Variants in STIM1 observed in about 807,000 individuals in gnomAD.
STIM1 encodes the protein stromal interaction molecule 1.
In STIM1, 25 loss-of-function variants were observed where a neutral mutation model predicts 74.7. That is an observed-to-expected ratio of 0.33 (90% CI 0.24 to 0.47). STIM1 has a LOEUF of 0.47. Ranked by LOEUF, STIM1 falls within the 20% of genes least tolerant of loss-of-function variation. The probability of loss-of-function intolerance (pLI) is 1.00; values close to 1 mark genes in which losing one functional copy is unlikely to be tolerated. For missense variants in STIM1, 728 were observed against 920.8 expected (o/e 0.79, Z 2.71); for synonymous variants, 328 against 348.8 (o/e 0.94, Z 0.66).
intron 1 of STIM1, among the ~76,000 whole-genome samples, chr11:3,926,385 A>G (rs1046047470): frequency 9.2e-5 from 14 of 152,238 alleles, no homozygotes; most frequent in African/African-American, 3.1e-4. Flanking sequence ...TTGGTAAAGC[A>G]TAATTCTTAT....
At chr11:3,929,279 ATT>A (rs1182535886) in intron 1 of STIM1, among the ~76,000 whole-genome samples, 1 of 152,072 alleles carries the variant, frequency 6.6e-6, no homozygotes, top group East Asian at 1.9e-4. Context: ...TCTGCTCTAG[ATT>A]TGTGTGTTAA....
chr11:3,896,354 G>C (rs1430731590), intron 1 of STIM1, among the ~76,000 whole-genome samples: 1 of 152,158 alleles, frequency 6.6e-6, no homozygotes, highest in Non-Finnish European at 1.5e-5. Context: ...CTATTTTAAT[G>C]TTAGGGAAGC....
chr11:3,901,433 G>A (rs1283862011), intron 1 of STIM1, among the ~76,000 whole-genome samples: 1 of 152,172 alleles, frequency 6.6e-6, no homozygotes, highest in African/African-American at 2.4e-5. Context: ...TGAACACAGT[G>A]TGGTCCCCTG....
At chr11:4,046,391 C>T (rs2094193949) in intron 3 of STIM1, among the ~76,000 whole-genome samples, 1 of 152,112 alleles carries the variant, frequency 6.6e-6, no homozygotes. Flanking sequence ...TCCTAGGATG[C>T]ATTCCTGGAC....
intron 1 of STIM1, among the ~76,000 whole-genome samples, chr11:3,879,650 A>G (rs1013848158): frequency 6.6e-6 from 1 of 152,254 alleles, no homozygotes; most frequent in Non-Finnish European, 1.5e-5. Flanking sequence ...CAAAGAAAGC[A>G]GGTGACTTCC....
chr11:4,076,146 C>T (rs560593905), intron 7 of STIM1, among the ~76,000 whole-genome samples: 29 of 151,732 alleles, frequency 1.9e-4, no homozygotes, highest in Middle Eastern at 3.2e-3. Flanking sequence ...TTTTGATAAA[C>T]AGAAGCCCTT....
Position 4,081,355 on chromosome 11 carries a change from C to A in STIM1, c.970-829C>A, listed in dbSNP as rs574412899. ...CATTGTGTGCTCCCTGCAGAGAAGT[C>A]GGTTATTTCTACTTATACATTGGTC... On this transcript the variant is annotated intron_variant, in intron 7 of 12. Transcript: ENST00000526596. Among the ~76,000 whole-genome samples, 12 of 152,312 alleles carry A rather than the reference C, an allele frequency of 7.9e-5. No individual in the cohort carries two copies. In the South Asian group the frequency reaches 1.7e-3, roughly 21 times the overall value.
intron 1 of STIM1, among the ~76,000 whole-genome samples, chr11:3,882,926 T>C (rs1441897306): frequency 6.6e-6 from 1 of 152,238 alleles, no homozygotes; most frequent in Non-Finnish European, 1.5e-5. Flanking sequence ...TCTAATGATA[T>C]TGATCATCTT....
intron 1 of STIM1, among the ~76,000 whole-genome samples, chr11:3,927,152 C>T (rs1271891753): frequency 6.6e-6 from 1 of 152,156 alleles, no homozygotes; most frequent in Non-Finnish European, 1.5e-5. Context: ...TTGGTCAGTT[C>T]ACAGTTCACT....
At chr11:4,018,470 A>G (rs866342147) in intron 2 of STIM1, among the ~76,000 whole-genome samples, 1 of 143,744 alleles carries the variant, frequency 7.0e-6, no homozygotes, top group African/African-American at 2.7e-5. Context: ...AAAAAAAAAA[A>G]AAAAAAAAAA....
At chr11:4,035,722 A>C (rs1342524531) in intron 3 of STIM1, among the ~76,000 whole-genome samples, 1 of 152,080 alleles carries the variant, frequency 6.6e-6, no homozygotes, top group African/African-American at 2.4e-5. Context: ...CCTTTAAAAA[A>C]TTTTAAGATT....
chr11:4,033,681 C>T lies in STIM1; in HGVS notation c.385+9694C>T, dbSNP rs565372851. Among the ~76,000 whole-genome samples the T allele has an allele frequency of 5.3e-5, 8 of 151,792 alleles. No homozygotes were observed. In the East Asian group the frequency reaches 5.9e-4, roughly 11 times the overall value. On this transcript the variant is annotated intron_variant, in intron 3 of 12. Transcript: ENST00000526596. The stretch of plus-strand genomic sequence containing the variant: ...CATGATCTTGGCTCACTGCAAGCTC[C>T]GCCTCCTGGGTTCACACCATTCTCC...
At chr11:4,018,428 C>G (rs572306008) in intron 2 of STIM1, among the ~76,000 whole-genome samples, 1 of 111,360 alleles carries the variant, frequency 9.0e-6, no homozygotes, top group Non-Finnish European at 1.7e-5. Context: ...GTCCGCAGTC[C>G]GGCCTGGGCG....
intron 1 of STIM1, among the ~76,000 whole-genome samples, chr11:3,906,239 G>A (rs2092463772): frequency 6.6e-6 from 1 of 152,142 alleles, no homozygotes; most frequent in African/African-American, 2.4e-5. Context: ...TATTTGAGTT[G>A]AATAATTTTG....
At chr11:4,077,051 C>CA (rs146968278) in intron 7 of STIM1, among the ~76,000 whole-genome samples, 1 of 149,910 alleles carries the variant, frequency 6.7e-6, no homozygotes, top group Admixed American at 6.6e-5. Context: ...TATAAGAACA[C>CA]AAAAAAAGGT....
At chr11:3,867,298 G>A (rs1157280208) in intron 1 of STIM1, 1 of 152,278 alleles carries the variant, frequency 6.6e-6, no homozygotes, top group East Asian at 1.9e-4. Context: ...GGCAGTTTTT[G>A]TTTGCCACAG....
In STIM1 at chr11:3,978,779, A is replaced by G. The variant is rs530967842; in HGVS notation, c.270+11097A>G. ...ATGTCATGAGACCTGTTTAGAGTTT[A>G]GTGGGGGTAGAAATAGACTTGTTTT... On this transcript the variant is annotated intron_variant, in intron 2 of 12. Transcript: ENST00000526596. Among the ~76,000 whole-genome samples the G allele has an allele frequency of 9.9e-5, 15 of 152,072 alleles. No individual in the cohort carries two copies. The South Asian group carries it at 3.1e-3, about 32-fold the overall frequency.
chr11:4,009,755 G>T (rs2093817976), intron 2 of STIM1, among the ~76,000 whole-genome samples: 1 of 152,030 alleles, frequency 6.6e-6, no homozygotes, highest in Non-Finnish European at 1.5e-5. Context: ...CAATTAAATT[G>T]TTAGTCCTTA....
intron 1 of STIM1, among the ~76,000 whole-genome samples, chr11:3,936,450 C>G (rs190463979): frequency 6.6e-6 from 1 of 152,184 alleles, no homozygotes. Flanking sequence ...AGTACCCCTA[C>G]AGTTCCAGGA....
Sources: gnomAD v4.1 joint callset for allele counts (sites outside exome capture counted in the v4.1 genomes callset) on GRCh38, gnomAD v4.1.1 for gene constraint, MANE v1.5 for transcripts, NCBI Gene and HGNC (gene_info 2026-07-23, HGNC 2026-07-21) for gene names.